The following ZFYVE9 variants were observed in gnomAD, a reference collection of about 807,000 sequenced individuals.
ZFYVE9 encodes zinc finger FYVE-type containing 9, also known as zinc finger FYVE domain-containing protein 9.
In ZFYVE9, 43 loss-of-function variants were observed where a neutral mutation model predicts 126.7. The observed-to-expected ratio is 0.34, with a 90% CI of 0.27 to 0.44. The LOEUF (loss-of-function observed/expected upper bound fraction) is 0.44. ZFYVE9 is among the 20% of genes least tolerant of loss of function. The pLI is 1.00. For synonymous variants in ZFYVE9, 521 were observed against 597.4 expected (o/e 0.87, Z 1.87); for missense variants, 1,476 against 1,697.0 (o/e 0.87, Z 2.29).
At chr1:52,201,566 A>G (rs944884408) in intron 1 of ZFYVE9, among the ~76,000 whole-genome samples, 3 of 151,444 alleles carry the variant, frequency 2.0e-5, no homozygotes, top group Non-Finnish European at 2.9e-5. Context: ...TTTAGTAGAG[A>G]CAGGGTTTCA....
chr1:52,206,638 C>T (rs529139497), intron 1 of ZFYVE9, among the ~76,000 whole-genome samples: 1 of 152,230 alleles, frequency 6.6e-6, no homozygotes, highest in East Asian at 1.9e-4. Context: ...GCAACCTCCA[C>T]CTCCCAGGTT....
chr1:52,268,636 A>C lies in ZFYVE9; in HGVS notation c.2625+4A>C. On this transcript the variant is annotated splice_donor_region_variant and intron_variant, in intron 7 of 18. Coordinates refer to ENST00000287727, the MANE Select transcript of ZFYVE9 (RefSeq NM_004799.4). ...TACCAGTCCTCTACCAGCAGAGGTA[A>C]GAAAACAAAACAGCAACTAAAATTG... The C allele has an allele frequency of 6.2e-7, 1 of 1,612,574 alleles. No homozygotes were observed. Among genetic ancestry groups the C allele is most frequent in the South Asian group, 1.1e-5 (1 of 90,884 alleles).
intron 1 of ZFYVE9, among the ~76,000 whole-genome samples, chr1:52,182,477 T>C (rs183198763): frequency 6.6e-6 from 1 of 152,276 alleles, no homozygotes; most frequent in Admixed American, 6.5e-5. Flanking sequence ...CTGAAACATG[T>C]GCTGTGTCCA....
intron 1 of ZFYVE9, among the ~76,000 whole-genome samples, chr1:52,176,904 C>A (rs910637846): frequency 1.3e-5 from 2 of 152,154 alleles, no homozygotes; most frequent in African/African-American, 4.8e-5. Context: ...TCACCCCTTT[C>A]CTTGACCAGG....
chr1:52,219,239 G>A lies in ZFYVE9; in HGVS notation c.-37+2765G>A, dbSNP rs1029209746. ...GTTTCCACAGGGTATGACAAGACAG[G>A]CATCGAATGTAATTGTGGGGAGGGT... On this transcript the variant is annotated intron_variant, in intron 2 of 18. Coordinates refer to ENST00000287727, the MANE Select transcript of ZFYVE9 (RefSeq NM_004799.4). Among the ~76,000 whole-genome samples the A allele has an allele frequency of 5.9e-5, 9 of 152,082 alleles. No homozygotes were observed. The East Asian group carries it at 1.7e-3, about 29-fold the overall frequency.
At chr1:52,216,522 A>G (rs1645073547) in intron 2 of ZFYVE9, 48 bp downstream of exon 2, 7 of 398,190 alleles carry the variant, frequency 1.8e-5, no homozygotes, top group Non-Finnish European at 3.1e-5. Context: ...TGAGAAACCA[A>G]TGAGATCTAT....
chr1:52,331,647 G>C (rs1225914993), intron 13 of ZFYVE9, among the ~76,000 whole-genome samples: 1 of 151,134 alleles, frequency 6.6e-6, no homozygotes, highest in Non-Finnish European at 1.5e-5. Context: ...AGCTACTCGG[G>C]AGGCTGAGGC....
intron 1 of ZFYVE9, among the ~76,000 whole-genome samples, chr1:52,201,419 C>T (rs1287187221): frequency 1.4e-5 from 2 of 141,942 alleles, no homozygotes; most frequent in Admixed American, 7.5e-5. Context: ...GCTCTGTCTC[C>T]AGGCTGGAGT....
intron 13 of ZFYVE9, among the ~76,000 whole-genome samples, chr1:52,307,995 A>G (rs957307778): frequency 6.6e-6 from 1 of 151,922 alleles, no homozygotes; most frequent in Non-Finnish European, 1.5e-5. Context: ...CTCGTGATCC[A>G]CCCACCTTGG....
At chr1:52,176,984 A>G (rs1462023305) in intron 1 of ZFYVE9, among the ~76,000 whole-genome samples, 5 of 152,090 alleles carry the variant, frequency 3.3e-5, no homozygotes, top group Non-Finnish European at 5.9e-5. Context: ...GCTCGTGCAC[A>G]GTGCGCTGCA....
At chr1:52,278,718 T>TA in intron 9 of ZFYVE9, 104 bp downstream of exon 9, 17 of 776,504 alleles carry the variant, frequency 2.2e-5, no homozygotes, top group East Asian at 3.0e-5. Context: ...TAGAGCCACA[T>TA]CTTTTTTTTT....
intron 1 of ZFYVE9, chr1:52,160,615 C>T (rs1428723210): frequency 1.3e-5 from 9 of 692,376 alleles, no homozygotes; most frequent in South Asian, 3.4e-5. Flanking sequence ...AGTCGGGCAC[C>T]GTGTTAGCCA....
chr1:52,273,606 G>A (rs1057171715), intron 7 of ZFYVE9, among the ~76,000 whole-genome samples: 9 of 151,928 alleles, frequency 5.9e-5, no homozygotes, highest in Admixed American at 4.6e-4. Flanking sequence ...CGAGGTTGGC[G>A]GATCACAAGG....
chr1:52,343,735 G>A (rs971656187), intron 17 of ZFYVE9, among the ~76,000 whole-genome samples: 2 of 148,784 alleles, frequency 1.3e-5, no homozygotes, highest in African/African-American at 2.5e-5. Flanking sequence ...CAGCCTGGGC[G>A]GTGGGCAACA....
chr1:52,248,525 C>G (rs1185302134), intron 4 of ZFYVE9, among the ~76,000 whole-genome samples: 1 of 152,188 alleles, frequency 6.6e-6, no homozygotes, highest in African/African-American at 2.4e-5. Flanking sequence ...AGAAACAATA[C>G]CAGCCATCTA....
chr1:52,307,860 T>C (rs1418480150), intron 13 of ZFYVE9, among the ~76,000 whole-genome samples: 1 of 151,824 alleles, frequency 6.6e-6, no homozygotes, highest in Non-Finnish European at 1.5e-5. Flanking sequence ...CACGCCATTC[T>C]CTTGCCTCAG....
Position 52,239,158 on chromosome 1 carries a change from C to T in ZFYVE9, c.1741C>T (p.Pro581Ser). ...CAGTGTTCCTTTTGGTGGTGCAAGA[C>T]CCAAGCAACCTTCTAATCTTAAACT... The part of the protein sequence containing the change: ...SISVPFGGAR[P>S]KQPSNLKLQI... Residue 581 changes from proline to serine, a missense_variant, in exon 4 of 19, where the codon CCC becomes TCC. Coordinates refer to ENST00000287727, the MANE Select transcript of ZFYVE9 (RefSeq NM_004799.4). 1 of 1,614,104 alleles carries T rather than the reference C, an allele frequency of 6.2e-7. No homozygotes were observed.
chr1:52,149,004 A>G (rs1308513343), intron 1 of ZFYVE9, among the ~76,000 whole-genome samples: 1 of 125,676 alleles, frequency 8.0e-6, no homozygotes, highest in Non-Finnish European at 1.6e-5. Context: ...TCGCTCTGTC[A>G]ACCAGGCTAG....
intron 3 of ZFYVE9, among the ~76,000 whole-genome samples, chr1:52,234,699 A>C (rs1450026677): frequency 2.6e-5 from 4 of 152,170 alleles, no homozygotes; most frequent in Non-Finnish European, 5.9e-5. Flanking sequence ...ACCTAACACT[A>C]ACCTATATTC....
Sources: allele counts gnomAD v4.1 joint callset (sites outside exome capture counted in the v4.1 genomes callset), GRCh38; gene constraint gnomAD v4.1.1; transcripts MANE v1.5; gene names NCBI Gene and HGNC (gene_info 2026-07-23, HGNC 2026-07-21).